CSMD1: variants seen among roughly 807,000 people sequenced by gnomAD.
The protein encoded by CSMD1 is CUB and sushi domain-containing protein 1.
A neutral mutation model predicts 417.5 loss-of-function variants in CSMD1; 213 were observed. The observed-to-expected ratio is 0.51, with a 90% CI of 0.46 to 0.57. The LOEUF is 0.57. CSMD1 is among the 20% of genes least tolerant of loss of function. The probability of loss-of-function intolerance (pLI) is 0.00; values close to 1 mark genes in which losing one functional copy is unlikely to be tolerated. For synonymous variants in CSMD1, 2,862 were observed against 1,736.8 expected, an observed-to-expected ratio of 1.65 and a Z score of -16.11; for missense variants, 6,923 against 4,529.7, an observed-to-expected ratio of 1.53 and a Z score of -15.17.
At chr8:3,778,096 C>G (rs1033504265) in intron 5 of CSMD1, among the ~76,000 whole-genome samples, 1 of 152,192 alleles carries the variant, frequency 6.6e-6, no homozygotes, top group African/African-American at 2.4e-5. Flanking sequence ...AGCTGCTGGC[C>G]CAGAGCATTA....
chr8:3,962,688 T>A (rs1421567619), intron 5 of CSMD1, among the ~76,000 whole-genome samples: 1 of 151,658 alleles, frequency 6.6e-6, no homozygotes, highest in Non-Finnish European at 1.5e-5. Flanking sequence ...GGGTGGGGAG[T>A]GTGGTGCAGA....
chr8:4,093,644 G>A (rs192758350), intron 3 of CSMD1, among the ~76,000 whole-genome samples: 5 of 152,094 alleles, frequency 3.3e-5, no homozygotes, highest in African/African-American at 1.2e-4. Context: ...TGATTGAGAG[G>A]AGAAAGTGAA....
At position 3,491,015 on chromosome 8, in the gene CSMD1, A is replaced by G. The variant is rs535464769; in HGVS notation, c.1448+2608T>C. On this transcript the variant is annotated intron_variant, in intron 11 of 69. Coordinates refer to ENST00000635120, the MANE Select transcript of CSMD1 (RefSeq NM_033225.6). ...TTGGAGAAACGTAACAATGTAAATG[A>G]AGATGCCTCTTCATCCCCAAATTCC... is the stretch of plus-strand genomic sequence containing the variant. Among the ~76,000 whole-genome samples the G allele has an allele frequency of 1.0e-3, 157 of 152,340 alleles. 1 individual carries two copies. Among genetic ancestry groups the G allele is most frequent in the African/African-American group, 3.4e-3 (143 of 41,582 alleles).
intron 5 of CSMD1, among the ~76,000 whole-genome samples, chr8:3,907,944 T>C (rs2627416): frequency 6.6e-6 from 1 of 151,688 alleles, no homozygotes; most frequent in African/African-American, 2.4e-5. Context: ...TTGATTTTTT[T>C]GGGGGGTGTG....
At chr8:3,701,484 ACT>A (rs1414944772) in intron 7 of CSMD1, among the ~76,000 whole-genome samples, 2 of 146,744 alleles carry the variant, frequency 1.4e-5, no homozygotes, top group Non-Finnish European at 3.0e-5. Context: ...AGGGCAAAAG[ACT>A]CTTCAGGATA....
chr8:3,103,086 T>C (rs146505026), intron 46 of CSMD1, among the ~76,000 whole-genome samples: 51 of 152,314 alleles, frequency 3.3e-4, no homozygotes, highest in African/African-American at 1.1e-3. Context: ...AGGAAGGTCT[T>C]CAGCACTCAG....
intron 1 of CSMD1, among the ~76,000 whole-genome samples, chr8:4,904,942 G>C (rs1466813631): frequency 6.6e-6 from 1 of 152,050 alleles, no homozygotes; most frequent in East Asian, 1.9e-4. Context: ...GGGCCTCTTT[G>C]GGACAAGGGA....
chr8:3,495,790 T>C (rs7843935), intron 10 of CSMD1, among the ~76,000 whole-genome samples: 88,402 of 152,062 alleles, frequency 0.58, 26,085 homozygotes, highest in Middle Eastern at 0.66. Flanking sequence ...TTTAATGACA[T>C]TGAGCCAAAA....
At chr8:4,319,061 C>A (rs146538463) in intron 3 of CSMD1, among the ~76,000 whole-genome samples, 29 of 152,244 alleles carry the variant, frequency 1.9e-4, no homozygotes, top group African/African-American at 6.3e-4. Flanking sequence ...AAATAAACAT[C>A]TTTTACTTCA....
intron 1 of CSMD1, among the ~76,000 whole-genome samples, chr8:4,751,849 A>G (rs1811348168): frequency 6.6e-6 from 1 of 152,178 alleles, no homozygotes; most frequent in Non-Finnish European, 1.5e-5. Context: ...CTGTCCGAAA[A>G]TAGTGCATTG....
chr8:4,069,962 A>C (rs1585247224), intron 3 of CSMD1, among the ~76,000 whole-genome samples: 1 of 151,984 alleles, frequency 6.6e-6, no homozygotes, highest in Non-Finnish European at 1.5e-5. Context: ...TGTCTTCTCT[A>C]CTTTTGTTTT....
At position 3,175,615 on chromosome 8, in the gene CSMD1, G is replaced by T. The variant is rs1391986995; in HGVS notation, c.5725+5495C>A. On this transcript the variant is annotated intron_variant, in intron 37 of 69. Transcript: ENST00000635120. ...CTCCCTCCCTCCCTCCCTTCCTGAG[G>T]TTGCCTTTGCCATGGGTTTCATGTT... Among the ~76,000 whole-genome samples, 3 of 148,586 alleles carry T rather than the reference G, an allele frequency of 2.0e-5. No homozygotes were observed. The East Asian group carries it at 6.0e-4, about 30-fold the overall frequency.
At chr8:4,586,856 C>T (rs1481457683) in intron 2 of CSMD1, among the ~76,000 whole-genome samples, 1 of 152,132 alleles carries the variant, frequency 6.6e-6, no homozygotes, top group Non-Finnish European at 1.5e-5. Context: ...AGGTGTTCAA[C>T]TTTTTCTATC....
chr8:4,640,047 A>G (rs1486178190), intron 1 of CSMD1, among the ~76,000 whole-genome samples: 2 of 152,236 alleles, frequency 1.3e-5, no homozygotes, highest in African/African-American at 2.4e-5. Context: ...AAGAAAAATC[A>G]GTTCAACAGA....
chr8:3,189,247 C>T (rs765614215), intron 34 of CSMD1, among the ~76,000 whole-genome samples: 6 of 152,154 alleles, frequency 3.9e-5, no homozygotes, highest in Admixed American at 6.5e-5. Flanking sequence ...ATAAATCTAT[C>T]CAAGTTCTCT....
At chr8:4,122,012 A>C (rs1385547795) in intron 3 of CSMD1, among the ~76,000 whole-genome samples, 1 of 152,048 alleles carries the variant, frequency 6.6e-6, no homozygotes, top group Non-Finnish European at 1.5e-5. Context: ...CATTAAGAAT[A>C]ATTTTAAATC....
At chr8:4,029,724 C>A (rs902130169) in intron 4 of CSMD1, among the ~76,000 whole-genome samples, 2 of 152,178 alleles carry the variant, frequency 1.3e-5, no homozygotes, top group East Asian at 1.9e-4. Context: ...CCCCCAAAGT[C>A]TTAACTTATT....
chr8:3,227,104 G>A (rs1310866615), intron 27 of CSMD1, among the ~76,000 whole-genome samples: 2 of 152,006 alleles, frequency 1.3e-5, no homozygotes, highest in East Asian at 3.9e-4. Flanking sequence ...TGCTCTGAAA[G>A]AGATTTTAAA....
At chr8:3,182,287 C>A (rs1021701924) in intron 36 of CSMD1, among the ~76,000 whole-genome samples, 1 of 152,190 alleles carries the variant, frequency 6.6e-6, no homozygotes, top group Non-Finnish European at 1.5e-5. Context: ...CGCTCTGTCA[C>A]CCAGGCTGGA....
Sources: allele counts gnomAD v4.1 joint callset (sites outside exome capture counted in the v4.1 genomes callset), GRCh38; gene constraint gnomAD v4.1.1; transcripts MANE v1.5; gene names NCBI Gene and HGNC (gene_info 2026-07-23, HGNC 2026-07-21).